Variants in ERBB4 observed in about 807,000 individuals in gnomAD.
ERBB4 encodes erb-b2 receptor tyrosine kinase 4.
ERBB4 carries 42 observed loss-of-function variants against 158.0 expected under a neutral mutation model. That is an observed-to-expected ratio of 0.27 (90% CI 0.21 to 0.34). The LOEUF (loss-of-function observed/expected upper bound fraction) is 0.34, where lower values mean the gene tolerates loss of function less well. Among genes scored for constraint, ERBB4 ranks in the 10% least tolerant of loss-of-function variants. The pLI is 1.00. For synonymous variants in ERBB4, 583 were observed against 558.7 expected (o/e 1.04, Z -0.61); for missense variants, 1,333 against 1,624.1 (o/e 0.82, Z 3.08).
chr2:211,389,320 A>C lies in ERBB4; in HGVS notation c.3136-1328T>G, dbSNP rs114866569. Among the ~76,000 whole-genome samples, 1,024 of 152,292 alleles carry C rather than the reference A, an allele frequency of 6.7e-3. 11 individuals carry two copies. The highest frequency in any genetic ancestry group is 0.023 in the African/African-American group (976 of 41,572). ...AAAGTGCTGGGATTACAGATACTTT[A>C]CATCTTTTAAATGAAACAGATAAAT... On this transcript the variant is annotated intron_variant, in intron 25 of 27. Transcript: ENST00000342788.
intron 3 of ERBB4, among the ~76,000 whole-genome samples, chr2:211,870,519 A>G (rs2078318383): frequency 6.6e-6 from 1 of 152,174 alleles, no homozygotes; most frequent in African/African-American, 2.4e-5. Context: ...ATTATAAGAT[A>G]TCATGCTAAG....
intron 19 of ERBB4, among the ~76,000 whole-genome samples, chr2:211,607,301 T>TA (rs2069020197): frequency 6.6e-6 from 1 of 152,216 alleles, no homozygotes; most frequent in Admixed American, 6.5e-5. Flanking sequence ...TTTTTGCTAT[T>TA]ATTAGCTTGT....
rs1271395002 is a variant in ERBB4 at position 211,944,067 on chromosome 2, TAC to T, written c.421+3361_421+3362del. 2.8e-5 allele frequency among the ~76,000 whole-genome samples: 3 copies of T among 108,642 alleles called. No homozygotes were observed. The South Asian group carries it at 7.7e-4, about 28-fold the overall frequency. 71.3% of individuals were successfully genotyped at this position (108,642 alleles called of 152,430 possible). On this transcript the variant is annotated intron_variant, in intron 3 of 27. Transcript: ENST00000342788. ...GAAACGCAAACCATATATATATATA[TAC>T]ACATGGTTACACTATATATATATAT... is the stretch of plus-strand genomic sequence containing the variant.
chr2:212,391,286 G>T (rs1027466763), intron 1 of ERBB4, among the ~76,000 whole-genome samples: 2 of 151,640 alleles, frequency 1.3e-5, no homozygotes, highest in African/African-American at 2.4e-5. Context: ...TTGTCTATAT[G>T]ATTAACAGAA....
chr2:211,941,110 T>C (rs953138518), intron 3 of ERBB4, among the ~76,000 whole-genome samples: 1 of 152,074 alleles, frequency 6.6e-6, no homozygotes, highest in East Asian at 1.9e-4. Flanking sequence ...TTTCCAGAAA[T>C]TGTGGACCTG....
chr2:211,627,128 T>C (rs951958022), intron 17 of ERBB4, among the ~76,000 whole-genome samples: 39 of 152,168 alleles, frequency 2.6e-4, no homozygotes, highest in Admixed American at 2.2e-3. Flanking sequence ...TGCAGTCACC[T>C]AAATGTACAC....
chr2:211,562,928 C>T (rs943046712), intron 19 of ERBB4, among the ~76,000 whole-genome samples: 1 of 151,852 alleles, frequency 6.6e-6, no homozygotes, highest in Non-Finnish European at 1.5e-5. Flanking sequence ...CCCGCCACTA[C>T]GCCCGGCTAA....
intron 1 of ERBB4, among the ~76,000 whole-genome samples, chr2:212,530,388 C>G (rs1575090548): frequency 1.3e-5 from 2 of 152,260 alleles, no homozygotes; most frequent in East Asian, 1.9e-4. Context: ...ATTTGGTTTT[C>G]ATAGGTCCCT....
At chr2:212,530,884 C>G (rs1225631478) in intron 1 of ERBB4, among the ~76,000 whole-genome samples, 2 of 152,166 alleles carry the variant, frequency 1.3e-5, no homozygotes, top group Non-Finnish European at 2.9e-5. Context: ...TTGTACCATT[C>G]ACTTTCTTCT....
chr2:212,114,383 C>CTA (rs1183102620), intron 2 of ERBB4, among the ~76,000 whole-genome samples: 2 of 152,098 alleles, frequency 1.3e-5, no homozygotes, highest in Admixed American at 6.6e-5. Flanking sequence ...TCAGAAAGAG[C>CTA]TGAATACCAA....
rs181950635 is a variant in ERBB4, at chr2:211,886,188, C to T, written c.421+61242G>A. On this transcript the variant is annotated intron_variant, in intron 3 of 27. Transcript: ENST00000342788. ...TGAGTTCTCTAACTTGCTTTTTATT[C>T]AGATCTTAATTCACATTATTAACCT... 9.9e-5 allele frequency among the ~76,000 whole-genome samples: 15 copies of T among 152,256 alleles called. No homozygotes were observed. In the East Asian group the frequency reaches 2.9e-3, roughly 29 times the overall value.
chr2:211,969,188 A>T (rs2081385088), intron 2 of ERBB4, among the ~76,000 whole-genome samples: 1 of 152,000 alleles, frequency 6.6e-6, no homozygotes, highest in Admixed American at 6.6e-5. Flanking sequence ...AAGCAGTGAC[A>T]AAAGTTAAGA....
At chr2:211,552,814 A>T (rs752133802) in intron 20 of ERBB4, among the ~76,000 whole-genome samples, 5 of 152,186 alleles carry the variant, frequency 3.3e-5, no homozygotes, top group Non-Finnish European at 7.3e-5. Context: ...CAGGAATAGT[A>T]AGTCAAACAA....
intron 1 of ERBB4, among the ~76,000 whole-genome samples, chr2:212,154,741 AAG>A (rs145757425): frequency 0.087 from 13,256 of 152,110 alleles, 711 homozygotes; most frequent in African/African-American, 0.16. Flanking sequence ...ACCAATCAAA[AAG>A]CCTGTTCAAT....
chr2:212,448,014 T>C (rs1444836605), intron 1 of ERBB4, among the ~76,000 whole-genome samples: 1 of 152,132 alleles, frequency 6.6e-6, no homozygotes, highest in East Asian at 1.9e-4. Context: ...AATGTCATGT[T>C]AACCTGTCCT....
chr2:212,443,509 A>G (rs572316415), intron 1 of ERBB4, among the ~76,000 whole-genome samples: 22 of 152,324 alleles, frequency 1.4e-4, no homozygotes, highest in African/African-American at 5.3e-4. Flanking sequence ...AGAAAGAGGC[A>G]CAACACCTGG....
chr2:211,562,075 A>G lies in ERBB4; in HGVS notation c.2315T>C (p.Met772Thr). The change falls in exon 20 of 28, where the codon ATG becomes ACG. Residue 772 changes from methionine (M) to threonine (T), a missense_variant. Transcript: ENST00000342788. ...TAGGTGTGGATGATCCATACTTGCC[A>G]TGATCAGAGCTTCCTGTAAGAAAAA... Reference protein sequence around the residue: ...NVEFMDEALIMASMDHPHLVR... With the variant: ...NVEFMDEALITASMDHPHLVR... 1 of 1,613,598 alleles carries G rather than the reference A, an allele frequency of 6.2e-7. No individual in the cohort carries two copies. Among genetic ancestry groups the G allele is most frequent in the Non-Finnish European group, 8.5e-7 (1 of 1,180,028 alleles).
At position 211,955,292 on chromosome 2, in the gene ERBB4, A is replaced by G. The variant is rs192311212; in HGVS notation, c.235-7676T>C. On this transcript the variant is annotated intron_variant, in intron 2 of 27. Transcript: ENST00000342788. The stretch of plus-strand genomic sequence containing the variant: ...TGGCCGCTTAGCCAGCTCTCAACCC[A>G]TGACTTCTTAGCAGTGAACACCTTT... Among the ~76,000 whole-genome samples the G allele has an allele frequency of 2.5e-4, 38 of 152,056 alleles. No homozygotes were observed. The East Asian group carries it at 6.6e-3, about 26-fold the overall frequency.
intron 2 of ERBB4, among the ~76,000 whole-genome samples, chr2:212,117,237 T>A (rs913837872): frequency 6.6e-6 from 1 of 152,212 alleles, no homozygotes; most frequent in Non-Finnish European, 1.5e-5. Flanking sequence ...TAATGCAGTA[T>A]CTAAATATGT....
Sources: allele counts gnomAD v4.1 joint callset (sites outside exome capture counted in the v4.1 genomes callset), GRCh38; gene constraint gnomAD v4.1.1; transcripts MANE v1.5; gene names NCBI Gene and HGNC (gene_info 2026-07-23, HGNC 2026-07-21).